Variants in OR51I2 observed in about 807,000 individuals in gnomAD.
OR51I2 encodes the protein olfactory receptor 51I2.
In OR51I2, 6 loss-of-function variants were observed where a neutral mutation model predicts 9.3. The observed-to-expected ratio is 0.64, with a 90% CI of 0.35 to 1.27. The LOEUF (loss-of-function observed/expected upper bound fraction) is 1.27, where lower values mean the gene tolerates loss of function less well. OR51I2 is among the 50% of genes most tolerant of loss of function. The pLI is 0.03. For synonymous variants in OR51I2, 179 were observed against 143.1 expected, an observed-to-expected ratio of 1.25 and a Z score of -1.79; for missense variants, 489 against 396.4, an observed-to-expected ratio of 1.23 and a Z score of -1.98.
intron 1 of OR51I2, among the ~76,000 whole-genome samples, chr11:5,452,012 A>G (rs1850860427): frequency 6.6e-6 from 1 of 152,214 alleles, no homozygotes; most frequent in Non-Finnish European, 1.5e-5. Flanking sequence ...GTAAATAAAT[A>G]CAAGCCATTA....
At position 5,455,600 on chromosome 11, in the gene OR51I2, A is replaced by AG. The variant is rs1255853602; in HGVS notation, c.*1173_*1174insG. On this transcript the variant is annotated 3_prime_UTR_variant, in exon 2 of 2. Transcript: ENST00000641930. ...GAGAAAGAGAAAGAGAGAAAGAGAA[A>AG]AAGAGAAAGAGAAAGAGAGAAAGAG... The AG allele has an allele frequency of 2.2e-5, 2 of 90,004 alleles. No individual in the cohort carries two copies. The highest frequency in any genetic ancestry group is 7.3e-5 in the African/African-American group (2 of 27,246). 5.6% of individuals were successfully genotyped at this position (90,004 alleles called of 1,614,324 possible).
In OR51I2 at chr11:5,452,988, C is replaced by A. The variant is rs1197848418; in HGVS notation, c.-230-271C>A. Among the ~76,000 whole-genome samples the A allele has an allele frequency of 1.3e-5, 2 of 151,852 alleles. 1 individual carries two copies. Among genetic ancestry groups the A allele is most frequent in the Non-Finnish European group, 2.9e-5 (2 of 68,028 alleles). On this transcript the variant is annotated intron_variant, in intron 1 of 1. Transcript: ENST00000641930. ...CTCCATCCAAGCACACAACATGATA[C>A]AAAACTTGCTCTGGGAAAGTCTCTC...
Position 5,455,216 on chromosome 11 carries a change from T to C in OR51I2, c.*789T>C, listed in dbSNP as rs553201247. On this transcript the variant is annotated 3_prime_UTR_variant, in exon 2 of 2. Coordinates refer to ENST00000641930, the MANE Select transcript of OR51I2 (RefSeq NM_001004754.3). ...TTCAATATCTGAAATATCTGACTCA[T>C]AGAATTTTGGGGGAAAGGGGGAATT... 2 of 152,274 alleles carry C rather than the reference T, an allele frequency of 1.3e-5. No individual in the cohort carries two copies. The highest frequency in any genetic ancestry group is 2.4e-5 in the African/African-American group (1 of 41,560). 9.4% of individuals were successfully genotyped at this position (152,274 alleles called of 1,614,324 possible). A position where few individuals can be genotyped will look rare whatever the true frequency, so the allele number is the denominator to read the frequency against.
At chr11:5,450,587 G>A (rs886560428) in intron 1 of OR51I2, among the ~76,000 whole-genome samples, 3 of 152,140 alleles carry the variant, frequency 2.0e-5, no homozygotes, top group South Asian at 2.1e-4. Context: ...TCCAGGAATA[G>A]GAGAATTTGT....
At position 5,456,014 on chromosome 11, in the gene OR51I2, GCTC is replaced by G. The variant is rs1250939022; in HGVS notation, c.*1590_*1592del. 5.3e-5 allele frequency: 8 copies of G among 152,106 alleles called. No homozygotes were observed. Among genetic ancestry groups the G allele is most frequent in the South Asian group, 4.2e-4 (2 of 4,818 alleles). 9.4% of individuals were successfully genotyped at this position (152,106 alleles called of 1,614,324 possible). On this transcript the variant is annotated 3_prime_UTR_variant, in exon 2 of 2. Transcript: ENST00000641930. The stretch of plus-strand genomic sequence containing the variant: ...ATAACTTTTCTGATTCATATTAGAA[GCTC>G]CTATTTCAACATGAAATAATAATTT...
rs781587361 is a variant in OR51I2, at chr11:5,453,885, G to C, written c.397G>C (p.Ala133Pro). 1 of 1,614,188 alleles carries C rather than the reference G, an allele frequency of 6.2e-7. No individual in the cohort carries two copies. The highest frequency in any genetic ancestry group is 1.1e-5 in the South Asian group (1 of 91,074). The change falls in exon 2 of 2, where the codon GCA becomes CCA. Residue 133 changes from alanine (A) to proline (P), a missense_variant. By Grantham distance (27) the Ala-to-Pro change is conservative (BLOSUM62 -1). Coordinates refer to ENST00000641930, the MANE Select transcript of OR51I2 (RefSeq NM_001004754.3). ...YVAICDPLRY[A>P]TVLTTEVIAA... ...GGCCATTTGTGACCCCTTGCGCTAT[G>C]CAACTGTGCTCACCACTGAAGTCAT...
intron 1 of OR51I2, among the ~76,000 whole-genome samples, chr11:5,452,087 G>A (rs985335404): frequency 3.3e-5 from 5 of 152,222 alleles, no homozygotes; most frequent in African/African-American, 9.6e-5. Context: ...CAAGCATGTA[G>A]ATAGAAGTGT....
intron 1 of OR51I2, among the ~76,000 whole-genome samples, chr11:5,451,892 G>A (rs1850857028): frequency 6.6e-6 from 1 of 152,142 alleles, no homozygotes; most frequent in South Asian, 2.1e-4. Flanking sequence ...CCTCATCCAC[G>A]ATGAGGCAAT....
rs1428795292 is a variant in OR51I2, at chr11:5,456,152, G to A, written c.*1725G>A. 6.6e-6 allele frequency: 1 copy of A among 152,162 alleles called. No homozygotes were observed. The highest frequency in any genetic ancestry group is 1.5e-5 in the Non-Finnish European group (1 of 68,030). The allele number at this position is 152,162 out of a possible 1,614,324, so 9.4% of individuals were successfully genotyped here. On this transcript the variant is annotated 3_prime_UTR_variant, in exon 2 of 2. Transcript: ENST00000641930. ...TAAACTCTCACTGATTCCTACCTCA[G>A]AAGCAGCGAGGGATACATTCTTTTG...
chr11:5,454,445 A>T lies in OR51I2; in HGVS notation c.*18A>T. ...AAATATGACTTTCACACTTGGCTTTAGAATCTGTTATTTTGGCCATAGGCT... is the reference window on the plus strand; with the variant it reads ...AAATATGACTTTCACACTTGGCTTTTGAATCTGTTATTTTGGCCATAGGCT... On this transcript the variant is annotated 3_prime_UTR_variant, in exon 2 of 2. Transcript: ENST00000641930. 6.3e-7 allele frequency: 1 copy of T among 1,581,958 alleles called. No homozygotes were observed. Among genetic ancestry groups the T allele is most frequent in the Non-Finnish European group, 8.6e-7 (1 of 1,167,216 alleles).
chr11:5,449,522 G>A (rs553593114), intron 1 of OR51I2, among the ~76,000 whole-genome samples, 158 bp downstream of exon 1: 1 of 152,320 alleles, frequency 6.6e-6, no homozygotes, highest in East Asian at 1.9e-4. Flanking sequence ...AAAGGAGCAG[G>A]AAAGATCTCT....
Position 5,456,070 on chromosome 11 carries a change from A to G in OR51I2, c.*1643A>G, listed in dbSNP as rs562187505. Reference sequence around the variant, plus strand: ...ATGCTTTGATATTTTAGTTTCAAATATATACAACAAATACATAAATGCAAA... The same window carrying G: ...ATGCTTTGATATTTTAGTTTCAAATGTATACAACAAATACATAAATGCAAA... On this transcript the variant is annotated 3_prime_UTR_variant, in exon 2 of 2. Coordinates refer to ENST00000641930, the MANE Select transcript of OR51I2 (RefSeq NM_001004754.3). The G allele has an allele frequency of 2.6e-5, 4 of 152,210 alleles. No homozygotes were observed. Among genetic ancestry groups the G allele is most frequent in the Non-Finnish European group, 5.9e-5 (4 of 68,042 alleles). 9.4% of individuals were successfully genotyped at this position (152,210 alleles called of 1,614,324 possible).
chr11:5,452,827 C>T (rs1382612915), intron 1 of OR51I2, among the ~76,000 whole-genome samples: 2 of 152,186 alleles, frequency 1.3e-5, no homozygotes, highest in African/African-American at 4.8e-5. Context: ...TTTCCAGAAA[C>T]AGATACAGCC....
intron 1 of OR51I2, among the ~76,000 whole-genome samples, chr11:5,451,906 C>T (rs1850859236): frequency 6.6e-6 from 1 of 152,130 alleles, no homozygotes; most frequent in Non-Finnish European, 1.5e-5. Flanking sequence ...AGGCAATGAA[C>T]ACAAAAGTGT....
chr11:5,452,583 C>T (rs1422565142), intron 1 of OR51I2, among the ~76,000 whole-genome samples: 7 of 83,528 alleles, frequency 8.4e-5, no homozygotes, highest in Non-Finnish European at 1.3e-4. Context: ...ACAACAAGAG[C>T]GACTTTACGA....
At chr11:5,451,957 A>T (rs971607843) in intron 1 of OR51I2, among the ~76,000 whole-genome samples, 1 of 152,252 alleles carries the variant, frequency 6.6e-6, no homozygotes, top group Non-Finnish European at 1.5e-5. Context: ...GTGACAGAGA[A>T]ATGGCTGTAA....
rs920314280 is a variant in OR51I2, at chr11:5,454,252, T to C, written c.764T>C (p.Met255Thr). 5.0e-6 allele frequency: 8 copies of C among 1,614,110 alleles called. No individual in the cohort carries two copies. The highest frequency in any genetic ancestry group is 5.1e-6 in the Non-Finnish European group (6 of 1,180,040). The change falls in exon 2 of 2, where the codon ATG becomes ACG. Residue 255 changes from methionine (M) to threonine (T), a missense_variant. Coordinates refer to ENST00000641930, the MANE Select transcript of OR51I2 (RefSeq NM_001004754.3). ...ILAVLAFYVPMIGVSTVHRFG... is the reference protein window; with the variant it reads ...ILAVLAFYVPTIGVSTVHRFG... The stretch of plus-strand genomic sequence containing the variant: ...GCTGTACTTGCATTTTATGTGCCAA[T>C]GATTGGGGTCTCCACAGTGCACCGC...
Position 5,453,827 on chromosome 11 carries a change from T to A in OR51I2, c.339T>A (p.Gly113=), listed in dbSNP as rs769070676. ...LIHFFSMMES[G]ILLAMSFDRY... ...ACTTCTTCTCCATGATGGAATCAGG[T>A]ATTCTGCTGGCCATGAGTTTTGACC... The change falls in exon 2 of 2, where the codon GGT becomes GGA. Residue 113 remains glycine (G), a synonymous_variant. Coordinates refer to ENST00000641930, the MANE Select transcript of OR51I2 (RefSeq NM_001004754.3). The A allele has an allele frequency of 6.2e-7, 1 of 1,614,204 alleles. No individual in the cohort carries two copies. The highest frequency in any genetic ancestry group is 8.5e-7 in the Non-Finnish European group (1 of 1,180,032).
Position 5,453,311 on chromosome 11 carries a change from G to A in OR51I2, c.-178G>A. 1 of 441,938 alleles carries A rather than the reference G, an allele frequency of 2.3e-6. No homozygotes were observed. Among genetic ancestry groups the A allele is most frequent in the Non-Finnish European group, 4.0e-6 (1 of 252,144 alleles). 27.4% of individuals were successfully genotyped at this position (441,938 alleles called of 1,614,324 possible). The stretch of plus-strand genomic sequence containing the variant: ...TGATCATCATAAAATATGAAGAAAA[G>A]GAGTTTGCCTGCATCATCTCAAAAG... On this transcript the variant is annotated 5_prime_UTR_variant, in exon 2 of 2. Coordinates refer to ENST00000641930, the MANE Select transcript of OR51I2 (RefSeq NM_001004754.3).
Sources: allele counts gnomAD v4.1 joint callset (sites outside exome capture counted in the v4.1 genomes callset), GRCh38; gene constraint gnomAD v4.1.1; transcripts MANE v1.5; gene names NCBI Gene and HGNC (gene_info 2026-07-23, HGNC 2026-07-21).